The following TRIM65 variants were observed in gnomAD, a reference collection of about 807,000 sequenced individuals.
The protein encoded by TRIM65 is E3 ubiquitin-protein ligase TRIM65.
TRIM65 carries 46 observed loss-of-function variants against 36.1 expected under a neutral mutation model. The observed-to-expected ratio is 1.27, with a 90% CI of 1.01 to 1.63. TRIM65 has a LOEUF of 1.63. Among genes scored for constraint, TRIM65 ranks in the 40% most tolerant of loss-of-function variants. TRIM65 has a pLI of 0.00. For synonymous variants in TRIM65, 346 were observed against 313.6 expected (o/e 1.10, Z -1.09); for missense variants, 708 against 696.6 (o/e 1.02, Z -0.18).
chr17:75,892,889 C>G, intron 1 of TRIM65, 39 bp from the exon 2 acceptor site: 1 of 1,570,598 alleles, frequency 6.4e-7, no homozygotes, highest in African/African-American at 1.3e-5. Context: ...CAAGAGAAGG[C>G]CAGGATTGGC....
At chr17:75,879,546 A>AGTG (rs1200014744), downstream of TRIM65, 1 of 150,828 alleles carries the variant, frequency 6.6e-6, no homozygotes, top group East Asian at 1.9e-4. Flanking sequence ...ATGCACTTAA[A>AGTG]GTGGTGCGTT....
chr17:75,896,415 C>T (rs913657705), intron 1 of TRIM65, 109 bp downstream of exon 1: 1 of 1,219,480 alleles, frequency 8.2e-7, no homozygotes, highest in African/African-American at 1.6e-5. Flanking sequence ...ATGAGGCTCC[C>T]CGCCCCCGCC....
intron 1 of TRIM65, among the ~76,000 whole-genome samples, chr17:75,895,518 C>T (rs1299941688): frequency 6.6e-6 from 1 of 152,190 alleles, no homozygotes; most frequent in African/African-American, 2.4e-5. Context: ...AAATCTGCCA[C>T]TAGGGACCCC....
At chr17:75,892,559 G>C in intron 2 of TRIM65, 59 bp from the exon 3 acceptor site, 3 of 1,497,672 alleles carry the variant, frequency 2.0e-6, no homozygotes, top group African/African-American at 1.4e-5. Flanking sequence ...ACCAAGGGAG[G>C]CTAGGGCCAG....
rs1356302959 is a variant in TRIM65 at position 75,896,826 on chromosome 17, C to A, written c.112G>T (p.Asp38Tyr). Reference sequence around the variant, plus strand: ...GCCTTTCCGCAGCGGTCCCACCAGTCCCGGATGCAGGCCCCGCAGAAGTTG... The same window carrying A: ...GCCTTTCCGCAGCGGTCCCACCAGTACCGGATGCAGGCCCCGCAGAAGTTG... The part of the protein sequence containing the change: ...GHNFCGACIR[D>Y]WWDRCGKACP... Residue 38 changes from aspartate (D) to tyrosine (Y), a missense_variant, in exon 1 of 6, where the codon GAC becomes TAC. Transcript: ENST00000269383. The A allele has an allele frequency of 6.6e-7, 1 of 1,521,814 alleles. No homozygotes were observed. The highest frequency in any genetic ancestry group is 8.8e-7 in the Non-Finnish European group (1 of 1,137,032). 94.3% of individuals were successfully genotyped at this position (1,521,814 alleles called of 1,614,324 possible).
chr17:75,891,945 C>A, intron 4 of TRIM65, 66 bp downstream of exon 4: 1 of 1,563,114 alleles, frequency 6.4e-7, no homozygotes, highest in Non-Finnish European at 8.7e-7. Flanking sequence ...TGACCCGCCT[C>A]CACCCCCCCA....
chr17:75,887,981 CTG>C (rs1319658536), downstream of TRIM65, among the ~76,000 whole-genome samples: 1 of 152,024 alleles, frequency 6.6e-6, no homozygotes, highest in East Asian at 1.9e-4. Context: ...CGGTGAAACC[CTG>C]TCTCTACTAA....
chr17:75,888,679 C>T, downstream of TRIM65, among the ~76,000 whole-genome samples: 1 of 152,218 alleles, frequency 6.6e-6, no homozygotes, highest in East Asian at 1.9e-4. Context: ...AGCTGGTCAG[C>T]AAGGTCCTGC....
downstream of TRIM65, among the ~76,000 whole-genome samples, chr17:75,880,001 G>A (rs1218420356): frequency 1.3e-5 from 2 of 150,760 alleles, no homozygotes; most frequent in East Asian, 3.8e-4. Flanking sequence ...TGATCCACCC[G>A]CCTCGGCCTC....
chr17:75,891,436 G>A (rs1023008581), intron 5 of TRIM65, 89 bp from the exon 6 acceptor site: 13 of 1,377,712 alleles, frequency 9.4e-6, no homozygotes, highest in African/African-American at 2.9e-5. Context: ...CGCCAGGCAC[G>A]CTGAGCACCG....
intron 5 of TRIM65, 38 bp from the exon 6 acceptor site, chr17:75,891,385 G>C: frequency 6.2e-7 from 1 of 1,601,574 alleles, no homozygotes; most frequent in South Asian, 1.1e-5. Flanking sequence ...GCTGGGGGAA[G>C]ACAGCACAAC....
intron 2 of TRIM65, 110 bp from the exon 3 acceptor site, chr17:75,892,610 G>A: frequency 8.0e-7 from 1 of 1,247,602 alleles, no homozygotes; most frequent in South Asian, 1.4e-5. Context: ...TGGGGAGGCA[G>A]GGTCCCGGGA....
chr17:75,896,533 G>A lies in TRIM65; in HGVS notation c.405C>T (p.Leu135=), dbSNP rs750329950. The change falls in exon 1 of 6, where the codon CTC becomes CTT. Residue 135 remains leucine (L), a synonymous_variant. Coordinates refer to ENST00000269383, the MANE Select transcript of TRIM65 (RefSeq NM_173547.4). ...HERALLDAER[L]KREAQLRASL... Reference sequence around the variant, plus strand: ...CCGGCGGATGCGTCACCTCGCGCTTGAGGCGCTCGGCATCCAGCAGCGCCC... The same window carrying A: ...CCGGCGGATGCGTCACCTCGCGCTTAAGGCGCTCGGCATCCAGCAGCGCCC... 53 of 1,346,480 alleles carry A rather than the reference G, an allele frequency of 3.9e-5. No individual in the cohort carries two copies. Among genetic ancestry groups the A allele is most frequent in the Non-Finnish European group, 4.9e-5 (52 of 1,051,388 alleles). 83.4% of individuals were successfully genotyped at this position (1,346,480 alleles called of 1,614,324 possible).
downstream of TRIM65, among the ~76,000 whole-genome samples, chr17:75,879,700 TAAC>T (rs146406748): frequency 3.5e-3 from 530 of 150,954 alleles, 54 homozygotes; most frequent in African/African-American, 0.013. Flanking sequence ...AATAATAAAT[TAAC>T]AAGCTGGGGA....
chr17:75,894,982 G>A (rs905686960), intron 1 of TRIM65, among the ~76,000 whole-genome samples: 7 of 152,216 alleles, frequency 4.6e-5, no homozygotes, highest in African/African-American at 7.2e-5. Flanking sequence ...GGGTCAGCGC[G>A]CGGCAGGGCT....
chr17:75,893,396 G>A (rs1375153214), intron 1 of TRIM65, among the ~76,000 whole-genome samples: 1 of 152,148 alleles, frequency 6.6e-6, no homozygotes, highest in Non-Finnish European at 1.5e-5. Context: ...ATTCTTCTGG[G>A]GATCCGGCCA....
chr17:75,881,595 G>A (rs1461928546), intron 4 of TRIM65, among the ~76,000 whole-genome samples: 1 of 150,632 alleles, frequency 6.6e-6, no homozygotes, highest in African/African-American at 2.5e-5. Context: ...CCGCCCACCT[G>A]AAGACCCCAC....
chr17:75,896,722 C>T lies in TRIM65; in HGVS notation c.216G>A (p.Val72=). 1 of 1,416,972 alleles carries T rather than the reference C, an allele frequency of 7.1e-7. No individual in the cohort carries two copies. The highest frequency in any genetic ancestry group is 9.2e-7 in the Non-Finnish European group (1 of 1,086,636). 87.8% of individuals were successfully genotyped at this position (1,416,972 alleles called of 1,614,324 possible). A position where few individuals can be genotyped will look rare whatever the true frequency, so the allele number is the denominator to read the frequency against. The change falls in exon 1 of 6, where the codon GTG becomes GTA. Residue 72 remains valine (V), a synonymous_variant. Coordinates refer to ENST00000269383, the MANE Select transcript of TRIM65 (RefSeq NM_173547.4). ...GATCCCGGGCGGGCCCGGCGCGCACCACCTCCAGCACGCCGCTGAGGGCCA... is the reference window on the plus strand; with the variant it reads ...GATCCCGGGCGGGCCCGGCGCGCACTACCTCCAGCACGCCGCTGAGGGCCA... ...RNVALSGVLE[V]VRAGPARDPG...
At position 75,892,520 on chromosome 17, in the gene TRIM65, G is replaced by A. The variant is rs1275916978; in HGVS notation, c.511-20C>T. On this transcript the variant is annotated intron_variant, in intron 2 of 5. Coordinates refer to ENST00000269383, the MANE Select transcript of TRIM65 (RefSeq NM_173547.4). ...CGAGTTCTGGGCGGGAACAGGAGGG[G>A]CTTCAGGGTGGCCAGGGCCCTGTGC... is the stretch of plus-strand genomic sequence containing the variant. The A allele has an allele frequency of 3.7e-6, 6 of 1,604,576 alleles. No homozygotes were observed. Among genetic ancestry groups the A allele is most frequent in the Admixed American group, 1.7e-5 (1 of 59,556 alleles).
Sources: allele counts gnomAD v4.1 joint callset (sites outside exome capture counted in the v4.1 genomes callset), GRCh38; gene constraint gnomAD v4.1.1; transcripts MANE v1.5; gene names NCBI Gene and HGNC (gene_info 2026-07-23, HGNC 2026-07-21).